SEMA6D: variants seen among roughly 807,000 people sequenced by gnomAD.
The protein encoded by SEMA6D is semaphorin-6D.
SEMA6D carries 35 observed loss-of-function variants against 106.6 expected under a neutral mutation model. That is an observed-to-expected ratio of 0.33 (90% confidence interval 0.25 to 0.44). The LOEUF (loss-of-function observed/expected upper bound fraction) is 0.44. Ranked by LOEUF, SEMA6D falls within the 20% of genes least tolerant of loss-of-function variation. The probability of loss-of-function intolerance (pLI) is 1.00; values close to 1 mark genes in which losing one functional copy is unlikely to be tolerated. For synonymous variants in SEMA6D, 499 were observed against 487.7 expected, an observed-to-expected ratio of 1.02 and a Z score of -0.31; for missense variants, 1,185 against 1,345.9, an observed-to-expected ratio of 0.88 and a Z score of 1.87.
At chr15:47,691,645 A>T (rs1460084197) in intron 4 of SEMA6D, among the ~76,000 whole-genome samples, 1 of 152,184 alleles carries the variant, frequency 6.6e-6, no homozygotes, top group Non-Finnish European at 1.5e-5. Context: ...TAGGTACTTA[A>T]TTAAAAGTAT....
intron 1 of SEMA6D, among the ~76,000 whole-genome samples, chr15:47,755,690 T>C (rs2081682125): frequency 6.6e-6 from 1 of 151,982 alleles, no homozygotes; most frequent in Non-Finnish European, 1.5e-5. Flanking sequence ...ATGATAGCCT[T>C]TGGTTATTTA....
At chr15:47,656,897 C>T (rs181215915) in intron 4 of SEMA6D, among the ~76,000 whole-genome samples, 68 of 152,200 alleles carry the variant, frequency 4.5e-4, no homozygotes, top group African/African-American at 1.5e-3. Context: ...AGTATACACT[C>T]GGATAGTGGA....
At chr15:47,257,676 T>C (rs1420071948) in intron 1 of SEMA6D, among the ~76,000 whole-genome samples, 1 of 152,146 alleles carries the variant, frequency 6.6e-6, no homozygotes, top group Admixed American at 6.5e-5. Flanking sequence ...TTGTGAAATG[T>C]GTTTTTTTAG....
chr15:47,385,182 A>C lies in SEMA6D; in HGVS notation c.-238-27211A>C, dbSNP rs888082253. 4.0e-5 allele frequency among the ~76,000 whole-genome samples: 6 copies of C among 151,832 alleles called. No homozygotes were observed. The East Asian group carries it at 1.2e-3, about 29-fold the overall frequency. ...GGTAGTTTTAGGAATTTTCATCAAT[A>C]CTTAATAACACAATTTACACTACAA... On this transcript the variant is annotated intron_variant, in intron 1 of 19. Transcript: ENST00000558014.
At chr15:47,750,937 C>T (rs1285109626) in intron 1 of SEMA6D, among the ~76,000 whole-genome samples, 2 of 152,184 alleles carry the variant, frequency 1.3e-5, no homozygotes, top group African/African-American at 4.8e-5. Context: ...TCCTTGAAAA[C>T]ACCACATCAG....
At chr15:47,488,636 AG>A (rs2043370128) in intron 3 of SEMA6D, among the ~76,000 whole-genome samples, 2 of 152,196 alleles carry the variant, frequency 1.3e-5, no homozygotes, top group South Asian at 4.1e-4. Context: ...CAGAAGAGAA[AG>A]CCTGAGACTT....
At chr15:47,730,895 G>A (rs1320898648) in intron 1 of SEMA6D, 40 of 909,682 alleles carry the variant, frequency 4.4e-5, no homozygotes, top group Non-Finnish European at 6.4e-5. Context: ...TGCAGGGGCC[G>A]GAGCCACCTT....
At chr15:47,614,122 A>G (rs2076962806) in intron 4 of SEMA6D, among the ~76,000 whole-genome samples, 1 of 152,150 alleles carries the variant, frequency 6.6e-6, no homozygotes, top group African/African-American at 2.4e-5. Context: ...CCATTACAGA[A>G]ATCTAAATAA....
intron 3 of SEMA6D, among the ~76,000 whole-genome samples, chr15:47,537,500 A>G (rs2045208333): frequency 6.6e-6 from 1 of 152,206 alleles, no homozygotes; most frequent in African/African-American, 2.4e-5. Context: ...TAGATTAGGT[A>G]ATATAAGGCA....
intron 2 of SEMA6D, among the ~76,000 whole-genome samples, chr15:47,443,529 C>T (rs549034357): frequency 6.6e-6 from 1 of 152,138 alleles, no homozygotes; most frequent in South Asian, 2.1e-4. Flanking sequence ...CCCAGCTCCA[C>T]TCACCATCTG....
chr15:47,301,981 G>A (rs779225891), intron 1 of SEMA6D, among the ~76,000 whole-genome samples: 2 of 152,104 alleles, frequency 1.3e-5, no homozygotes, highest in Non-Finnish European at 2.9e-5. Flanking sequence ...GAAAGCAAGT[G>A]AAAGAAAAAA....
chr15:47,326,931 C>T (rs745644772), intron 1 of SEMA6D, among the ~76,000 whole-genome samples: 19 of 152,178 alleles, frequency 1.2e-4, no homozygotes, highest in Non-Finnish European at 2.6e-4. Context: ...ATACTGTGGA[C>T]ATCTGGAAGT....
Position 47,711,216 on chromosome 15 carries a change from A to G in SEMA6D, c.-54-48529A>G, listed in dbSNP as rs373520499. Among the ~76,000 whole-genome samples, 114 of 146,160 alleles carry G rather than the reference A, an allele frequency of 7.8e-4. 1 individual carries two copies. The highest frequency in any genetic ancestry group is 2.8e-3 in the African/African-American group (109 of 39,542). On this transcript the variant is annotated intron_variant, in intron 4 of 19. Transcript: ENST00000558014. ...TCCCAGCTACTTGGGAGGCTGAGGCAGGAGAATGGCGTGAACCCGGGAGGC... is the reference window on the plus strand; with the variant it reads ...TCCCAGCTACTTGGGAGGCTGAGGCGGGAGAATGGCGTGAACCCGGGAGGC...
intron 1 of SEMA6D, among the ~76,000 whole-genome samples, chr15:47,400,344 G>T (rs1276685537): frequency 6.6e-6 from 1 of 151,970 alleles, no homozygotes; most frequent in Non-Finnish European, 1.5e-5. Flanking sequence ...ACAAAAATTA[G>T]CCGGTGTGGT....
intron 1 of SEMA6D, chr15:47,359,580 T>C (rs2038720790): frequency 6.6e-6 from 1 of 152,130 alleles, no homozygotes; most frequent in African/African-American, 2.4e-5. Flanking sequence ...GACATAGTTA[T>C]GATAGATTTC....
intron 3 of SEMA6D, among the ~76,000 whole-genome samples, chr15:47,556,526 T>C (rs2045920664): frequency 6.6e-6 from 1 of 152,196 alleles, no homozygotes; most frequent in Admixed American, 6.6e-5. Flanking sequence ...CATGTAAGAC[T>C]GTAAGAAAAA....
chr15:47,287,870 G>T (rs1359068155), intron 1 of SEMA6D, among the ~76,000 whole-genome samples: 2 of 152,158 alleles, frequency 1.3e-5, no homozygotes, highest in Non-Finnish European at 2.9e-5. Flanking sequence ...GGCTCTGCAT[G>T]CTTTACAGGA....
intron 2 of SEMA6D, among the ~76,000 whole-genome samples, chr15:47,443,042 C>G (rs1011996096): frequency 1.3e-4 from 20 of 152,088 alleles, no homozygotes; most frequent in African/African-American, 4.8e-4. Flanking sequence ...AGAGCACCAA[C>G]TAGAAAATTA....
At chr15:47,627,196 G>A (rs2077218092) in intron 4 of SEMA6D, among the ~76,000 whole-genome samples, 1 of 152,092 alleles carries the variant, frequency 6.6e-6, no homozygotes, top group Non-Finnish European at 1.5e-5. Flanking sequence ...GGAGTGGGAG[G>A]AAGGATAAGG....
Sources: allele counts gnomAD v4.1 joint callset (sites outside exome capture counted in the v4.1 genomes callset), GRCh38; gene constraint gnomAD v4.1.1; transcripts MANE v1.5; gene names NCBI Gene and HGNC (gene_info 2026-07-23, HGNC 2026-07-21).